Variants in RABEP1 observed in about 807,000 individuals in gnomAD.
RABEP1 encodes rabaptin, RAB GTPase binding effector protein 1, also known as rab GTPase-binding effector protein 1.
A neutral mutation model predicts 123.4 loss-of-function variants in RABEP1; 51 were observed. The ratio of observed to expected loss-of-function variants is 0.41; its 90% CI spans 0.33 to 0.52. The LOEUF (loss-of-function observed/expected upper bound fraction) is 0.52. Among genes scored for constraint, RABEP1 ranks in the 20% least tolerant of loss-of-function variants. The probability of loss-of-function intolerance (pLI) is 0.16; values close to 1 mark genes in which losing one functional copy is unlikely to be tolerated. For missense variants in RABEP1, 888 were observed against 996.3 expected (o/e 0.89, Z 1.46); for synonymous variants, 347 against 355.2 (o/e 0.98, Z 0.26).
intron 2 of RABEP1, among the ~76,000 whole-genome samples, chr17:5,327,578 A>G (rs1210647979): frequency 6.6e-6 from 1 of 152,120 alleles, no homozygotes; most frequent in Non-Finnish European, 1.5e-5. Context: ...CACAGTATAT[A>G]TGGAGTGCAT....
chr17:5,381,141 G>A (rs540873179), intron 16 of RABEP1, among the ~76,000 whole-genome samples: 38 of 152,252 alleles, frequency 2.5e-4, no homozygotes, highest in South Asian at 4.1e-4. Flanking sequence ...TGCTGGGGGT[G>A]GGGGAGGGCA....
chr17:5,350,323 T>G (rs1180357588), intron 6 of RABEP1, 128 bp from the exon 7 acceptor site: 68 of 968,592 alleles, frequency 7.0e-5, no homozygotes, highest in Non-Finnish European at 9.7e-5. Flanking sequence ...GAGCTTGCAG[T>G]GAGCCAAGAT....
chr17:5,296,169 TC>T (rs1424382753), intron 1 of RABEP1, among the ~76,000 whole-genome samples: 1 of 152,232 alleles, frequency 6.6e-6, no homozygotes, highest in Non-Finnish European at 1.5e-5. Context: ...TGTAGCTAGA[TC>T]TGATTTGCTA....
At position 5,338,220 on chromosome 17, in the gene RABEP1, G is replaced by GA. The variant is rs1005427098; in HGVS notation, c.648+89dup. ...GAACAAAATTAGAATCAGTAATAGG[G>GA]AAAAAAACCTGTAATTTAGACTATG... On this transcript the variant is annotated intron_variant, in intron 5 of 17. Transcript: ENST00000537505. The GA allele has an allele frequency of 1.6e-5, 23 of 1,424,814 alleles. No homozygotes were observed. The East Asian group carries it at 2.4e-4, about 15-fold the overall frequency. 88.3% of individuals were successfully genotyped at this position (1,424,814 alleles called of 1,614,324 possible).
At chr17:5,326,677 C>A (rs1364703100) in intron 2 of RABEP1, among the ~76,000 whole-genome samples, 1 of 152,182 alleles carries the variant, frequency 6.6e-6, no homozygotes, top group East Asian at 1.9e-4. Flanking sequence ...TCAGTTGTAT[C>A]AAATGTGCCA....
Position 5,383,440 on chromosome 17 carries a change from A to G in RABEP1, c.*217A>G. The G allele has an allele frequency of 1.9e-6, 1 of 518,888 alleles. No homozygotes were observed. Among genetic ancestry groups the G allele is most frequent in the Non-Finnish European group, 3.5e-6 (1 of 288,070 alleles). 32.1% of individuals were successfully genotyped at this position (518,888 alleles called of 1,614,324 possible). A position where few individuals can be genotyped will look rare whatever the true frequency, so the allele number is the denominator to read the frequency against. On this transcript the variant is annotated 3_prime_UTR_variant, in exon 18 of 18. Coordinates refer to ENST00000537505, the MANE Select transcript of RABEP1 (RefSeq NM_004703.6). Reference sequence around the variant, plus strand: ...AGAGACCTTCAAATGCGAACACTATAAACTCCAGGCTTGATTCCAACAGGC... The same window carrying G: ...AGAGACCTTCAAATGCGAACACTATGAACTCCAGGCTTGATTCCAACAGGC...
intron 5 of RABEP1, among the ~76,000 whole-genome samples, chr17:5,345,000 A>T (rs1907953593): frequency 6.6e-6 from 1 of 152,126 alleles, no homozygotes; most frequent in African/African-American, 2.4e-5. Context: ...GGTAAAGTGT[A>T]TGAGCTGTCG....
At chr17:5,327,210 T>C (rs574019390) in intron 2 of RABEP1, among the ~76,000 whole-genome samples, 1 of 151,940 alleles carries the variant, frequency 6.6e-6, no homozygotes, top group South Asian at 2.1e-4. Context: ...TAGCAGGGTG[T>C]GGTGGCACAT....
chr17:5,377,089 C>G, intron 13 of RABEP1, 27 bp from the exon 14 acceptor site: 14 of 1,567,666 alleles, frequency 8.9e-6, no homozygotes, highest in Non-Finnish European at 1.2e-5. Context: ...CTCACAAACC[C>G]AATAATCATT....
rs57661400 is a variant in RABEP1 at position 5,323,723 on chromosome 17, A to AATATAT, written c.164-8219_164-8214dup. ...CTAGGAATATATATATATATCTAGG[A>AATATAT]ATATATATATATCTAGGAATATATA... is the stretch of plus-strand genomic sequence containing the variant. On this transcript the variant is annotated intron_variant, in intron 2 of 17. Transcript: ENST00000537505. 8.7e-5 allele frequency among the ~76,000 whole-genome samples: 6 copies of AATATAT among 69,230 alleles called. 1 individual carries two copies. Among genetic ancestry groups the AATATAT allele is most frequent in the African/African-American group, 5.4e-4 (6 of 11,088 alleles). The allele number at this position is 69,230 out of a possible 152,430, so 45.4% of individuals were successfully genotyped here. A position where few individuals can be genotyped will look rare whatever the true frequency, so the allele number is the denominator to read the frequency against.
At chr17:5,310,517 A>G (rs1398772687) in intron 2 of RABEP1, among the ~76,000 whole-genome samples, 1 of 151,564 alleles carries the variant, frequency 6.6e-6, no homozygotes, top group African/African-American at 2.4e-5. Context: ...ACGGGGTTTC[A>G]CCATGTTGGT....
At chr17:5,289,740 A>T (rs2075015279) in intron 1 of RABEP1, among the ~76,000 whole-genome samples, 1 of 152,108 alleles carries the variant, frequency 6.6e-6, no homozygotes, top group Non-Finnish European at 1.5e-5. Flanking sequence ...CTGAATAGAT[A>T]GATAGTTGTC....
intron 9 of RABEP1, 155 bp downstream of exon 9, chr17:5,361,830 A>G (rs1046480983): frequency 1.2e-5 from 8 of 641,822 alleles, no homozygotes; most frequent in Non-Finnish European, 1.9e-5. Flanking sequence ...GACCCTTGTC[A>G]TAGTCTGCCT....
At chr17:5,332,596 A>ATTTTTT (rs553120401) in intron 3 of RABEP1, among the ~76,000 whole-genome samples, 40 of 105,886 alleles carry the variant, frequency 3.8e-4, no homozygotes, top group African/African-American at 1.0e-3. Context: ...ACGTTTTAGA[A>ATTTTTT]TTTTTTTTTT....
At chr17:5,361,083 GTC>G (rs1909481918) in intron 8 of RABEP1, 123 bp from the exon 9 acceptor site, 2 of 834,376 alleles carry the variant, frequency 2.4e-6, no homozygotes, top group Non-Finnish European at 3.7e-6. Context: ...TGTTCAATGA[GTC>G]TGTGAAGGTA....
At chr17:5,287,911 CA>C (rs200407464) in intron 1 of RABEP1, among the ~76,000 whole-genome samples, 5 of 148,494 alleles carry the variant, frequency 3.4e-5, no homozygotes, top group East Asian at 2.0e-4. Flanking sequence ...GACCCTGTCT[CA>C]AAAAAAAAAT....
chr17:5,378,463 G>A (rs3026105), intron 15 of RABEP1: 90,899 of 607,418 alleles, frequency 0.15, 12,230 homozygotes, highest in East Asian at 0.57. Flanking sequence ...TGTGACTGTG[G>A]CCTGGAGTTT....
intron 7 of RABEP1, among the ~76,000 whole-genome samples, chr17:5,353,993 A>G (rs571071996): frequency 6.6e-6 from 1 of 152,208 alleles, no homozygotes; most frequent in South Asian, 2.1e-4. Flanking sequence ...TCAAAAACAA[A>G]CTTTTTCATA....
rs1567869348 is a variant in RABEP1, at chr17:5,302,243, C to CTTTTTTTTTTT, written c.35-6451_35-6450insTTTTTTTTTTT. Among the ~76,000 whole-genome samples the CTTTTTTTTTTT allele has an allele frequency of 2.1e-3, 45 of 21,566 alleles. 2 individuals are homozygous for CTTTTTTTTTTT. Among genetic ancestry groups the CTTTTTTTTTTT allele is most frequent in the African/African-American group, 0.013 (45 of 3,382 alleles). 14.1% of individuals were successfully genotyped at this position (21,566 alleles called of 152,430 possible). A position where few individuals can be genotyped will look rare whatever the true frequency, so the allele number is the denominator to read the frequency against. ...AGATTTAGGGGAATGTTACTGAAAA[C>CTTTTTTTTTTT]ATTTTTTTTTTTTTTGAGATGGAGT... On this transcript the variant is annotated intron_variant, in intron 1 of 17. Transcript: ENST00000537505.
Sources: allele counts gnomAD v4.1 joint callset (sites outside exome capture counted in the v4.1 genomes callset), GRCh38; gene constraint gnomAD v4.1.1; transcripts MANE v1.5; gene names NCBI Gene and HGNC (gene_info 2026-07-23, HGNC 2026-07-21).